The following HINFP variants were observed in gnomAD, a reference collection of about 807,000 sequenced individuals.
The protein encoded by HINFP is MBD2 (methyl-CpG-binding protein)-interacting zinc finger protein.
In HINFP, 20 loss-of-function variants were observed where a neutral mutation model predicts 50.1. The observed-to-expected ratio is 0.40, with a 90% CI of 0.28 to 0.58. The LOEUF is 0.58. Among genes scored for constraint, HINFP ranks in the 20% least tolerant of loss-of-function variants. The pLI, the probability that HINFP is intolerant of heterozygous loss-of-function variation, is 0.45. For synonymous variants in HINFP, 247 were observed against 243.7 expected (o/e 1.01, Z -0.13); for missense variants, 505 against 664.1 (o/e 0.76, Z 2.63).
chr11:119,126,737 G>T (rs1283626432), intron 1 of HINFP, 198 bp from the exon 2 acceptor site: 10 of 530,674 alleles, frequency 1.9e-5, no homozygotes, highest in Non-Finnish European at 3.3e-5. Flanking sequence ...GTTAGTTTTT[G>T]TTTTCCCTTT....
chr11:119,125,760 G>A (rs1025915193), intron 1 of HINFP: 5 of 152,162 alleles, frequency 3.3e-5, no homozygotes, highest in South Asian at 2.1e-4. Flanking sequence ...ACACAGATAC[G>A]GCTTTTTATG....
At chr11:119,121,894 C>T (rs1288468686) in intron 1 of HINFP, 1 of 152,374 alleles carries the variant, frequency 6.6e-6, no homozygotes, top group African/African-American at 2.4e-5. Flanking sequence ...GGGACGGTCT[C>T]CTTCCTTCTG....
Position 119,132,403 on chromosome 11 carries a change from T to TG in HINFP, c.677-91dup. On this transcript the variant is annotated intron_variant, in intron 5 of 9. Coordinates refer to ENST00000350777, the MANE Select transcript of HINFP (RefSeq NM_198971.3). Reference sequence around the variant, plus strand: ...CCTAAGCTCTCCTTTTCTCCTTGGGTGGTTCCCTTCTGCCTGGGATGGTTC... The same window carrying TG: ...CCTAAGCTCTCCTTTTCTCCTTGGGTGGGTTCCCTTCTGCCTGGGATGGTTC... 2.4e-6 allele frequency: 3 copies of TG among 1,234,120 alleles called. No homozygotes were observed. In the Admixed American group the frequency reaches 5.3e-5, roughly 22 times the overall value. The allele number at this position is 1,234,120 out of a possible 1,614,324, so 76.4% of individuals were successfully genotyped here.
intron 3 of HINFP, 22 bp downstream of exon 3, chr11:119,130,976 T>C (rs375685872): frequency 1.2e-6 from 2 of 1,601,644 alleles, no homozygotes; most frequent in Admixed American, 3.3e-5. Flanking sequence ...GTGCCAGTAA[T>C]TGGGGTGGAA....
At position 119,129,086 on chromosome 11, in the gene HINFP, G is replaced by C. The variant is rs1947594974; in HGVS notation, c.182-1639G>C. ...GATGGAGTCTTACTCTGTTGCTCAG[G>C]CTAGAGTGCAATGGCATGATCTCGG... On this transcript the variant is annotated intron_variant, in intron 2 of 9. Coordinates refer to ENST00000350777, the MANE Select transcript of HINFP (RefSeq NM_198971.3). 2.0e-5 allele frequency among the ~76,000 whole-genome samples: 3 copies of C among 152,050 alleles called. No individual in the cohort carries two copies. In the South Asian group the frequency reaches 6.2e-4, roughly 32 times the overall value.
chr11:119,123,493 C>T (rs11217155), intron 1 of HINFP, among the ~76,000 whole-genome samples: 7 of 151,540 alleles, frequency 4.6e-5, no homozygotes, highest in African/African-American at 9.7e-5. Flanking sequence ...AAGCTTTTTT[C>T]TACTTTTCTT....
At chr11:119,125,652 T>C (rs1260782014) in intron 1 of HINFP, 1 of 152,252 alleles carries the variant, frequency 6.6e-6, no homozygotes, top group African/African-American at 2.4e-5. Flanking sequence ...TACTCCAGCC[T>C]GGGTGACAGG....
intron 1 of HINFP, chr11:119,126,269 TCGCTTGAA>T (rs1947392189): frequency 6.7e-6 from 1 of 149,218 alleles, no homozygotes; most frequent in East Asian, 2.0e-4. Flanking sequence ...GGCAGGAGAA[TCGCTTGAA>T]CCCGGGAGGC....
Position 119,134,013 on chromosome 11 carries a change from C to T in HINFP, c.1140-71C>T. On this transcript the variant is annotated intron_variant, in intron 9 of 9. Coordinates refer to ENST00000350777, the MANE Select transcript of HINFP (RefSeq NM_198971.3). The surrounding 1 kb of genome is among the most constrained non-coding windows in gnomAD (Gnocchi z 4.3). ...TTCCATCCCTCATGTTTGTTCCTTA[C>T]TTTGCCAGCCTCGGCCATTTCTGTA... 6.2e-7 allele frequency: 1 copy of T among 1,605,788 alleles called. No individual in the cohort carries two copies. Among genetic ancestry groups the T allele is most frequent in the Non-Finnish European group, 8.5e-7 (1 of 1,173,306 alleles).
At chr11:119,128,761 C>T (rs521012) in intron 2 of HINFP, among the ~76,000 whole-genome samples, 4 of 151,394 alleles carry the variant, frequency 2.6e-5, no homozygotes, top group African/African-American at 4.9e-5. Flanking sequence ...TGTGGTGGTG[C>T]GATCTCAGCT....
chr11:119,133,973 G>A, intron 9 of HINFP, 111 bp from the exon 10 acceptor site: 1 of 1,443,668 alleles, frequency 6.9e-7, no homozygotes, highest in Non-Finnish European at 9.6e-7. Context: ...CCTGTCACTT[G>A]GATTCCAGGA....
Position 119,132,795 on chromosome 11 carries a change from G to T in HINFP, c.875+14G>T, listed in dbSNP as rs757926763. 49 of 1,613,506 alleles carry T rather than the reference G, an allele frequency of 3.0e-5. No homozygotes were observed. In the Admixed American group the frequency reaches 8.0e-4, roughly 26 times the overall value. On this transcript the variant is annotated intron_variant, in intron 7 of 9. Coordinates refer to ENST00000350777, the MANE Select transcript of HINFP (RefSeq NM_198971.3). ...TTGTGACTACAGGTAAGGGGGACCA[G>T]GGACCAGAAAACAGCTCATGTTCCA...
intron 1 of HINFP, 62 bp from the exon 2 acceptor site, chr11:119,126,873 T>G: frequency 1.3e-6 from 2 of 1,484,592 alleles, no homozygotes; most frequent in Non-Finnish European, 1.8e-6. Flanking sequence ...TGCCCAGCTT[T>G]TTGCCCTCAG....
Position 119,132,648 on chromosome 11 carries a change from C to T in HINFP, c.755-13C>T, listed in dbSNP as rs771535254. ...AAGTTCTCACATCACAGCCTCCTCT[C>T]TGCTTCTCTCAGTGAATCACTATAA... On this transcript the variant is annotated splice_polypyrimidine_tract_variant and intron_variant, in intron 6 of 9. Coordinates refer to ENST00000350777, the MANE Select transcript of HINFP (RefSeq NM_198971.3). The T allele has an allele frequency of 9.2e-5, 149 of 1,614,020 alleles. No homozygotes were observed. The highest frequency in any genetic ancestry group is 1.2e-4 in the Non-Finnish European group (145 of 1,180,040).
At chr11:119,126,174 GA>G (rs1227412751) in intron 1 of HINFP, 1 of 152,090 alleles carries the variant, frequency 6.6e-6, no homozygotes, top group Non-Finnish European at 1.5e-5. Flanking sequence ...CCAACATGGG[GA>G]AGAAACCCTG....
rs1947981503 is a variant in HINFP at position 119,134,734 on chromosome 11, A to G, written c.*236A>G. On this transcript the variant is annotated 3_prime_UTR_variant, in exon 10 of 10. Transcript: ENST00000350777. This position sits in a 1 kb window ranked among gnomAD's most constrained non-coding sequence, Gnocchi z 4.3. ...TCTGGATTCTTTGAGGGGATCCTGGATGTGTGTGTTCTTGTTAAAGAGGCT... is the reference window on the plus strand; with the variant it reads ...TCTGGATTCTTTGAGGGGATCCTGGGTGTGTGTGTTCTTGTTAAAGAGGCT... 2 of 476,460 alleles carry G rather than the reference A, an allele frequency of 4.2e-6. No homozygotes were observed. Among genetic ancestry groups the G allele is most frequent in the South Asian group, 3.9e-5 (1 of 25,472 alleles). The allele number at this position is 476,460 out of a possible 1,614,324, so 29.5% of individuals were successfully genotyped here.
In HINFP at chr11:119,134,658, C is replaced by CT. The variant is rs1227981446; in HGVS notation, c.*161dup. ...CTGGGTTTGCATCATTCTGCAGACT[C>CT]TAAAGACTTCCCTTTTCTGCCAGAC... On this transcript the variant is annotated 3_prime_UTR_variant, in exon 10 of 10. Transcript: ENST00000350777. The surrounding 1 kb of genome is among the most constrained non-coding windows in gnomAD (Gnocchi z 4.3). The CT allele has an allele frequency of 7.1e-6, 4 of 564,412 alleles. No homozygotes were observed. In the Admixed American group the frequency reaches 1.2e-4, roughly 17 times the overall value. The allele number at this position is 564,412 out of a possible 1,614,324, so 35.0% of individuals were successfully genotyped here. A position where few individuals can be genotyped will look rare whatever the true frequency, so the allele number is the denominator to read the frequency against.
intron 1 of HINFP, chr11:119,126,576 A>T (rs1211900345): frequency 5.8e-6 from 1 of 171,716 alleles, no homozygotes; most frequent in African/African-American, 2.4e-5. Flanking sequence ...CCAGGATTTG[A>T]ACCCTGATCC....
Position 119,134,012 on chromosome 11 carries a change from A to C in HINFP, c.1140-72A>C. On this transcript the variant is annotated intron_variant, in intron 9 of 9. Transcript: ENST00000350777. This position sits in a 1 kb window ranked among gnomAD's most constrained non-coding sequence, Gnocchi z 4.3. ...CTTCCATCCCTCATGTTTGTTCCTTACTTTGCCAGCCTCGGCCATTTCTGT... is the reference window on the plus strand; with the variant it reads ...CTTCCATCCCTCATGTTTGTTCCTTCCTTTGCCAGCCTCGGCCATTTCTGT... The C allele has an allele frequency of 6.2e-7, 1 of 1,604,722 alleles. No homozygotes were observed. Among genetic ancestry groups the C allele is most frequent in the South Asian group, 1.1e-5 (1 of 90,744 alleles).
Sources: allele counts gnomAD v4.1 joint callset (sites outside exome capture counted in the v4.1 genomes callset), GRCh38; gene constraint gnomAD v4.1.1; non-coding constraint Gnocchi (gnomAD v3.1); transcripts MANE v1.5; gene names NCBI Gene and HGNC (gene_info 2026-07-23, HGNC 2026-07-21).